ZNF490: variants seen among roughly 807,000 people sequenced by gnomAD.
ZNF490 encodes zinc finger protein 490.
A neutral mutation model predicts 17.7 loss-of-function variants in ZNF490; 11 were observed. The ratio of observed to expected loss-of-function variants is 0.62; its 90% CI spans 0.39 to 1.03. The LOEUF (loss-of-function observed/expected upper bound fraction) is 1.03. Among genes scored for constraint, ZNF490 ranks in the 50% least tolerant of loss-of-function variants. The pLI is 0.00. For missense variants in ZNF490, 542 were observed against 643.4 expected (o/e 0.84, Z 1.71); for synonymous variants, 222 against 216.1 (o/e 1.03, Z -0.24).
chr19:12,604,138 A>G (rs538310870), intron 2 of ZNF490, among the ~76,000 whole-genome samples: 1 of 152,372 alleles, frequency 6.6e-6, no homozygotes, highest in East Asian at 1.9e-4. Flanking sequence ...CACGGCTCAG[A>G]GAGCCTTCTG....
chr19:12,588,666 A>G (rs533476680), intron 2 of ZNF490, among the ~76,000 whole-genome samples: 18 of 152,352 alleles, frequency 1.2e-4, no homozygotes, highest in African/African-American at 4.3e-4. Flanking sequence ...ACAGCAGAAT[A>G]TACATTCTTC....
chr19:12,596,676 T>C (rs1311916233), intron 2 of ZNF490, among the ~76,000 whole-genome samples: 2 of 151,974 alleles, frequency 1.3e-5, no homozygotes, highest in African/African-American at 4.8e-5. Context: ...AACAAACAAA[T>C]TCCCAAACTT....
chr19:12,602,050 G>C lies in ZNF490; in HGVS notation c.162+7108C>G, dbSNP rs141442496. Among the ~76,000 whole-genome samples, 254 of 145,192 alleles carry C rather than the reference G, an allele frequency of 1.7e-3. 7 individuals are homozygous for C. In the East Asian group the frequency reaches 0.048, roughly 27 times the overall value. ...AAATAATATTATTTCCCGATTCCTGGCACCGTTTTTGAAACTCAGTTCACT... is the reference window on the plus strand; with the variant it reads ...AAATAATATTATTTCCCGATTCCTGCCACCGTTTTTGAAACTCAGTTCACT... On this transcript the variant is annotated intron_variant, in intron 2 of 4. Coordinates refer to ENST00000311437, the MANE Select transcript of ZNF490 (RefSeq NM_020714.3).
At chr19:12,581,758 T>C (rs1319488190) in intron 4 of ZNF490, 34 bp from the exon 5 acceptor site, 4 of 1,497,700 alleles carry the variant, frequency 2.7e-6, no homozygotes, top group Non-Finnish European at 3.6e-6. Context: ...ATTAATAGTT[T>C]TGTATTAATG....
intron 2 of ZNF490, among the ~76,000 whole-genome samples, chr19:12,599,034 C>T (rs1415329447): frequency 1.4e-5 from 2 of 143,090 alleles, no homozygotes; most frequent in African/African-American, 2.6e-5. Context: ...TGCCTGTGAT[C>T]CCAGCTATTC....
At chr19:12,601,491 A>G (rs2023002864) in intron 2 of ZNF490, among the ~76,000 whole-genome samples, 1 of 152,028 alleles carries the variant, frequency 6.6e-6, no homozygotes, top group African/African-American at 2.4e-5. Flanking sequence ...CCCAGGCTCC[A>G]GCAATCCTCC....
At chr19:12,582,768 G>T in intron 4 of ZNF490, 82 bp downstream of exon 4, 1 of 1,196,488 alleles carries the variant, frequency 8.4e-7, no homozygotes, top group Non-Finnish European at 1.2e-6. Flanking sequence ...TCTGCTTATT[G>T]TTTTGCTTGC....
In ZNF490 at chr19:12,576,112, A is replaced by G. The variant is rs527253211; in HGVS notation, c.*4373T>C. ...ACTCAATAAAATCTTTGATGGTGAA[A>G]AACCATATTTTTAATATCTAATATC... On this transcript the variant is annotated 3_prime_UTR_variant, in exon 5 of 5. Transcript: ENST00000311437. Among the ~76,000 whole-genome samples, 2 of 152,320 alleles carry G rather than the reference A, an allele frequency of 1.3e-5. No homozygotes were observed. Among genetic ancestry groups the G allele is most frequent in the East Asian group, 3.9e-4 (2 of 5,190 alleles).
chr19:12,607,014 C>T (rs559104375), intron 2 of ZNF490, among the ~76,000 whole-genome samples: 2 of 152,168 alleles, frequency 1.3e-5, no homozygotes, highest in East Asian at 3.9e-4. Context: ...ATGGAGAGCA[C>T]AAAGTCTTGT....
At position 12,609,294 on chromosome 19, in the gene ZNF490, C is replaced by T. The variant is rs1003965885; in HGVS notation, c.118-92G>A. Reference sequence around the variant, plus strand: ...AGCCTTGGAAGCATTGTTCCCCCTGCATCTACCTGTACACACAGAGCTACC... The same window carrying T: ...AGCCTTGGAAGCATTGTTCCCCCTGTATCTACCTGTACACACAGAGCTACC... On this transcript the variant is annotated intron_variant, in intron 1 of 4. Transcript: ENST00000311437. 9.3e-6 allele frequency: 10 copies of T among 1,075,334 alleles called. No individual in the cohort carries two copies. In the Admixed American group the frequency reaches 1.7e-4, roughly 18 times the overall value. The allele number at this position is 1,075,334 out of a possible 1,614,324, so 66.6% of individuals were successfully genotyped here.
intron 2 of ZNF490, among the ~76,000 whole-genome samples, chr19:12,598,408 CTT>C (rs2022960670): frequency 1.3e-5 from 2 of 151,110 alleles, no homozygotes; most frequent in Admixed American, 1.3e-4. Context: ...GAGTTTCTCT[CTT>C]GTTGCCCAGG....
Position 12,589,737 on chromosome 19 carries a change from G to A in ZNF490, c.163-6181C>T, listed in dbSNP as rs1167189293. 4.0e-5 allele frequency among the ~76,000 whole-genome samples: 6 copies of A among 151,846 alleles called. No individual in the cohort carries two copies. In the East Asian group the frequency reaches 5.8e-4, roughly 15 times the overall value. On this transcript the variant is annotated intron_variant, in intron 2 of 4. Coordinates refer to ENST00000311437, the MANE Select transcript of ZNF490 (RefSeq NM_020714.3). ...GACTATAGGTGCATGCCACTGCATC[G>A]GGCAAGAGGAACTTCTTGAGAAAGT...
At chr19:12,596,379 C>G (rs1161286135) in intron 2 of ZNF490, among the ~76,000 whole-genome samples, 1 of 151,920 alleles carries the variant, frequency 6.6e-6, no homozygotes, top group South Asian at 2.1e-4. Context: ...AACTCACAAT[C>G]GAAAGGTAAA....
chr19:12,603,509 A>G (rs2023030650), intron 2 of ZNF490, among the ~76,000 whole-genome samples: 1 of 151,952 alleles, frequency 6.6e-6, no homozygotes, highest in Non-Finnish European at 1.5e-5. Flanking sequence ...AACAAAAAAA[A>G]GGCTGGGCGC....
chr19:12,589,697 C>T (rs2022844213), intron 2 of ZNF490, among the ~76,000 whole-genome samples: 1 of 151,322 alleles, frequency 6.6e-6, no homozygotes, highest in Admixed American at 6.6e-5. Flanking sequence ...TTGCCTTGGC[C>T]CCGCAAGCAG....
Position 12,610,554 on chromosome 19 carries a change from C to G in ZNF490, c.117+10G>C. ...AGAGGCCTTACAACATTATGCCAAG[C>G]CCCTGGTACCTGGAGGACATCAGAC... On this transcript the variant is annotated intron_variant, in intron 1 of 4. Transcript: ENST00000311437. The G allele has an allele frequency of 6.2e-7, 1 of 1,608,638 alleles. No homozygotes were observed. The highest frequency in any genetic ancestry group is 8.5e-7 in the Non-Finnish European group (1 of 1,175,278).
chr19:12,595,288 C>A (rs985158202), intron 2 of ZNF490, among the ~76,000 whole-genome samples: 1 of 152,012 alleles, frequency 6.6e-6, no homozygotes, highest in African/African-American at 2.4e-5. Flanking sequence ...CCATGCACCA[C>A]CATGCCCAGT....
At chr19:12,594,914 T>C (rs1452522277) in intron 2 of ZNF490, among the ~76,000 whole-genome samples, 3 of 152,186 alleles carry the variant, frequency 2.0e-5, no homozygotes, top group Admixed American at 6.5e-5. Context: ...ATTAATCCCA[T>C]GAATGATTGT....
intron 2 of ZNF490, among the ~76,000 whole-genome samples, chr19:12,602,312 C>G (rs1238787701): frequency 6.6e-6 from 1 of 151,948 alleles, no homozygotes; most frequent in East Asian, 1.9e-4. Context: ...TGCGGGAGGC[C>G]GAGGCAGGAG....
Sources: gnomAD v4.1 joint callset for allele counts (sites outside exome capture counted in the v4.1 genomes callset) on GRCh38, gnomAD v4.1.1 for gene constraint, MANE v1.5 for transcripts, NCBI Gene and HGNC (gene_info 2026-07-23, HGNC 2026-07-21) for gene names.